Variants in KCNIP4 observed in about 807,000 individuals in gnomAD.
The protein encoded by KCNIP4 is Kv channel-interacting protein 4.
A neutral mutation model predicts 34.0 loss-of-function variants in KCNIP4; 12 were observed. The observed-to-expected ratio is 0.35, with a 90% CI of 0.23 to 0.57. KCNIP4 has a LOEUF of 0.57. Among genes scored for constraint, KCNIP4 ranks in the 20% least tolerant of loss-of-function variants. The probability of loss-of-function intolerance (pLI) is 0.83; values close to 1 mark genes in which losing one functional copy is unlikely to be tolerated. For synonymous variants in KCNIP4, 124 were observed against 102.2 expected, an observed-to-expected ratio of 1.21 and a Z score of -1.29; for missense variants, 238 against 311.7, an observed-to-expected ratio of 0.76 and a Z score of 1.78.
At chr4:20,965,018 T>C (rs1463718415) in intron 1 of KCNIP4, among the ~76,000 whole-genome samples, 1 of 152,158 alleles carries the variant, frequency 6.6e-6, no homozygotes, top group East Asian at 1.9e-4. Context: ...TGATTCTATT[T>C]AACCAAAGAG....
chr4:21,178,815 C>CTTT (rs10611485), intron 1 of KCNIP4, among the ~76,000 whole-genome samples: 93 of 136,780 alleles, frequency 6.8e-4, no homozygotes, highest in African/African-American at 2.4e-3. Flanking sequence ...TAACACCAAA[C>CTTT]TTTTTTTTTT....
intron 1 of KCNIP4, among the ~76,000 whole-genome samples, chr4:21,483,318 G>A (rs188408570): frequency 7.5e-4 from 114 of 151,986 alleles, no homozygotes; most frequent in Middle Eastern, 6.8e-3. Context: ...AAGAACTGAC[G>A]TTTGTTAATA....
At position 20,748,882 on chromosome 4, in the gene KCNIP4, A is replaced by ATGTG. The variant is rs139805656; in HGVS notation, c.429+776_429+779dup. Among the ~76,000 whole-genome samples the ATGTG allele has an allele frequency of 3.8e-3, 543 of 144,406 alleles. 7 individuals carry two copies. The South Asian group carries it at 0.041, about 11-fold the overall frequency. The allele number at this position is 144,406 out of a possible 152,430, so 94.7% of individuals were successfully genotyped here. On this transcript the variant is annotated intron_variant, in intron 5 of 8. Transcript: ENST00000382152. ...TCATATGAATTACGTGTGTGTGTGT[A>ATGTG]TGTGTGTGTGTGTATATATATATAT...
At chr4:21,473,556 G>C (rs1408945250) in intron 1 of KCNIP4, among the ~76,000 whole-genome samples, 2 of 152,120 alleles carry the variant, frequency 1.3e-5, no homozygotes, top group Non-Finnish European at 2.9e-5. Context: ...TTTAGAAAAA[G>C]AAATTGGAGC....
chr4:21,295,756 G>T (rs191236291), intron 1 of KCNIP4, among the ~76,000 whole-genome samples: 1 of 152,068 alleles, frequency 6.6e-6, no homozygotes, highest in East Asian at 1.9e-4. Flanking sequence ...TATATTTTGT[G>T]CTTGTCTCTA....
chr4:21,588,751 T>C (rs7681823), intron 1 of KCNIP4, among the ~76,000 whole-genome samples: 10,257 of 151,992 alleles, frequency 0.067, 509 homozygotes, highest in African/African-American at 0.13. Flanking sequence ...CTAGAGAATA[T>C]TGTCAGATAC....
chr4:21,398,960 G>A (rs1287154040), intron 1 of KCNIP4, among the ~76,000 whole-genome samples: 4 of 152,190 alleles, frequency 2.6e-5, no homozygotes, highest in Non-Finnish European at 5.9e-5. Context: ...AGGAATTAAT[G>A]CCTACAATGA....
At chr4:21,727,495 C>T (rs1042325972) in intron 1 of KCNIP4, among the ~76,000 whole-genome samples, 2 of 152,084 alleles carry the variant, frequency 1.3e-5, no homozygotes, top group Non-Finnish European at 2.9e-5. Flanking sequence ...TGTTTTGTTA[C>T]AGCAGCACAA....
chr4:21,363,373 T>G (rs574528465), intron 1 of KCNIP4, among the ~76,000 whole-genome samples: 56 of 152,206 alleles, frequency 3.7e-4, no homozygotes, highest in African/African-American at 1.3e-3. Context: ...AGAGATACAC[T>G]CAAAACCTTT....
At chr4:21,758,883 C>T (rs573710327) in intron 1 of KCNIP4, among the ~76,000 whole-genome samples, 1 of 152,218 alleles carries the variant, frequency 6.6e-6, no homozygotes, top group African/African-American at 2.4e-5. Context: ...AGATGTGTGA[C>T]TTCTCTGAGC....
At chr4:21,500,872 C>T (rs1841368) in intron 1 of KCNIP4, among the ~76,000 whole-genome samples, 8,802 of 152,114 alleles carry the variant, frequency 0.058, 645 homozygotes, top group African/African-American at 0.16. Flanking sequence ...AGGATGACAT[C>T]AATCACATCT....
In KCNIP4 at chr4:21,644,917, GT is replaced by G. The variant is rs1410312855; in HGVS notation, c.61+303653del. On this transcript the variant is annotated intron_variant, in intron 1 of 8. Coordinates refer to ENST00000382152, the MANE Select transcript of KCNIP4 (RefSeq NM_025221.6). ...TTCATTTTTCTAAGAATCATAATTT[GT>G]TATTGTTTGCAAATAAATATCTGAG... 2.0e-5 allele frequency among the ~76,000 whole-genome samples: 3 copies of G among 152,162 alleles called. No homozygotes were observed. In the East Asian group the frequency reaches 5.8e-4, roughly 29 times the overall value.
At chr4:20,807,088 GT>G (rs1259200804) in intron 3 of KCNIP4, among the ~76,000 whole-genome samples, 1 of 152,140 alleles carries the variant, frequency 6.6e-6, no homozygotes, top group Non-Finnish European at 1.5e-5. Flanking sequence ...TGTGGGCTGT[GT>G]GCTGAGTTAA....
At chr4:20,829,459 A>G (rs570416628) in intron 3 of KCNIP4, among the ~76,000 whole-genome samples, 84 of 152,184 alleles carry the variant, frequency 5.5e-4, no homozygotes, top group African/African-American at 1.9e-3. Context: ...TGCCCGCCTC[A>G]GCCTCCCAAA....
At chr4:21,059,206 C>G (rs918971596) in intron 1 of KCNIP4, among the ~76,000 whole-genome samples, 1 of 152,124 alleles carries the variant, frequency 6.6e-6, no homozygotes, top group Non-Finnish European at 1.5e-5. Context: ...CACCACAGAA[C>G]TCCCTGAGGT....
At chr4:20,854,410 T>C (rs1461754270) in intron 2 of KCNIP4, among the ~76,000 whole-genome samples, 8 of 152,230 alleles carry the variant, frequency 5.3e-5, no homozygotes, top group Non-Finnish European at 5.9e-5. Flanking sequence ...AAACCTCGTG[T>C]GTTCTCACTG....
At chr4:21,583,474 T>C (rs1741389700) in intron 1 of KCNIP4, among the ~76,000 whole-genome samples, 1 of 151,948 alleles carries the variant, frequency 6.6e-6, no homozygotes, top group African/African-American at 2.4e-5. Flanking sequence ...CAATAAATGG[T>C]AGCTATTAAG....
chr4:21,948,747 G>C lies in KCNIP4; in HGVS notation c.-116C>G. On this transcript the variant is annotated 5_prime_UTR_variant, in exon 1 of 9. Transcript: ENST00000382152. Reference sequence around the variant, plus strand: ...CGGCCCGGGGGCGTCCGTGGCGCTGGGAGCGAGAGCTTCGGCGGCGGCTGC... The same window carrying C: ...CGGCCCGGGGGCGTCCGTGGCGCTGCGAGCGAGAGCTTCGGCGGCGGCTGC... 8.2e-7 allele frequency: 1 copy of C among 1,224,710 alleles called. No homozygotes were observed. The allele number at this position is 1,224,710 out of a possible 1,614,324, so 75.9% of individuals were successfully genotyped here.
intron 1 of KCNIP4, among the ~76,000 whole-genome samples, chr4:21,856,468 G>A (rs1660652700): frequency 6.6e-6 from 1 of 152,204 alleles, no homozygotes; most frequent in Non-Finnish European, 1.5e-5. Context: ...ACTGGCCGGG[G>A]CTGCCACCAT....
Sources: gnomAD v4.1 joint callset for allele counts (sites outside exome capture counted in the v4.1 genomes callset) on GRCh38, gnomAD v4.1.1 for gene constraint, MANE v1.5 for transcripts, NCBI Gene and HGNC (gene_info 2026-07-23, HGNC 2026-07-21) for gene names.